The following NXPE4 variants were observed in gnomAD, a reference collection of about 807,000 sequenced individuals.
NXPE4 encodes NXPE family member 4.
A neutral mutation model predicts 33.3 loss-of-function variants in NXPE4; 42 were observed. That is an observed-to-expected ratio of 1.26 (90% CI 0.98 to 1.63). NXPE4 has a LOEUF of 1.63. Among genes scored for constraint, NXPE4 ranks in the 40% most tolerant of loss-of-function variants. The pLI is 0.00. For missense variants in NXPE4, 709 were observed against 647.6 expected (o/e 1.09, Z -1.03); for synonymous variants, 253 against 234.9 (o/e 1.08, Z -0.71).
chr11:114,654,709 C>A, the NXPE4 span, among the ~76,000 whole-genome samples: 1 of 152,122 alleles, frequency 6.6e-6, no homozygotes, highest in East Asian at 1.9e-4. Flanking sequence ...TTTTCTTTAT[C>A]CAATCTATCA....
chr11:114,623,177 T>C, the NXPE4 span, among the ~76,000 whole-genome samples: 1 of 151,070 alleles, frequency 6.6e-6, no homozygotes, highest in Admixed American at 6.6e-5. Context: ...TGGATAATAA[T>C]TATTGCCTCT....
At chr11:114,611,193 G>A in the NXPE4 span, among the ~76,000 whole-genome samples, 1,265 of 151,380 alleles carry the variant, frequency 8.4e-3, 18 homozygotes, top group African/African-American at 0.028. Context: ...ACTGCTACCC[G>A]CTGGATAATA....
the NXPE4 span, among the ~76,000 whole-genome samples, chr11:114,620,164 A>G: frequency 6.7e-6 from 1 of 149,262 alleles, no homozygotes; most frequent in East Asian, 2.0e-4. Flanking sequence ...GATGATAAAT[A>G]TTGCCTCATG....
In NXPE4 at chr11:114,570,984, T is replaced by C. The variant is rs1234372651; in HGVS notation, c.1589A>G (p.His530Arg). The stretch of plus-strand genomic sequence containing the variant: ...TATATTAATCTGATTTCCGACTACA[T>C]GTTGAGGTGGGTGTACATTATTTGT... ...YGTNNVHPPQ[H>R]VVGNQINILL... Residue 530 changes from histidine to arginine, a missense_variant, in exon 6 of 6, where the codon CAT becomes CGT. Physicochemically the swap from His to Arg is conservative, Grantham distance 29. Transcript: ENST00000375478. The C allele has an allele frequency of 6.2e-7, 1 of 1,610,958 alleles. No individual in the cohort carries two copies. Among genetic ancestry groups the C allele is most frequent in the Non-Finnish European group, 8.5e-7 (1 of 1,177,518 alleles).
At chr11:114,625,471 G>A in the NXPE4 span, among the ~76,000 whole-genome samples, 1 of 150,178 alleles carries the variant, frequency 6.7e-6, no homozygotes, top group Non-Finnish European at 1.5e-5. Flanking sequence ...ACTGTCACCC[G>A]GTGGATAATA....
At position 114,580,274 on chromosome 11, in the gene NXPE4, A is replaced by T; in HGVS notation, c.957T>A (p.His319Gln). ...FGMTSTIPSG[H>Q]VWRNTWNPVS... ...CAGGATTCCATGTGTTTCTCCAGACATGCCCACTGGGGATTGTGGATGTCA... is the reference window on the plus strand; with the variant it reads ...CAGGATTCCATGTGTTTCTCCAGACTTGCCCACTGGGGATTGTGGATGTCA... The change falls in exon 5 of 6, where the codon CAT (histidine) becomes CAA (glutamine). Residue 319 changes from histidine (H) to glutamine (Q), a missense_variant. By Grantham distance (24) the His-to-Gln change is conservative (BLOSUM62 0). Coordinates refer to ENST00000375478, the MANE Select transcript of NXPE4 (RefSeq NM_001077639.2). 1.9e-6 allele frequency: 3 copies of T among 1,614,072 alleles called. No homozygotes were observed. Among genetic ancestry groups the T allele is most frequent in the Non-Finnish European group, 1.7e-6 (2 of 1,179,936 alleles).
At chr11:114,590,078 G>T (rs1244866615) in intron 2 of NXPE4, among the ~76,000 whole-genome samples, 1 of 152,140 alleles carries the variant, frequency 6.6e-6, no homozygotes, top group Non-Finnish European at 1.5e-5. Context: ...AAAATGGATG[G>T]TGCTGCCTCA....
the NXPE4 span, among the ~76,000 whole-genome samples, chr11:114,619,319 A>C: frequency 1.3e-5 from 2 of 152,242 alleles, no homozygotes; most frequent in East Asian, 3.9e-4. Context: ...TCCCCGCTGG[A>C]TAATAAGTGT....
the NXPE4 span, among the ~76,000 whole-genome samples, chr11:114,657,762 C>T: frequency 2.0e-5 from 3 of 152,032 alleles, no homozygotes; most frequent in Admixed American, 6.6e-5. Flanking sequence ...ATAAGAACCC[C>T]TGATTTAGCA....
At chr11:114,587,913 G>A (rs971280229) in intron 2 of NXPE4, among the ~76,000 whole-genome samples, 1 of 152,030 alleles carries the variant, frequency 6.6e-6, no homozygotes, top group African/African-American at 2.4e-5. Context: ...GAACCATCCT[G>A]GCCTGCAGAG....
upstream of NXPE4, among the ~76,000 whole-genome samples, chr11:114,596,321 G>A (rs908198541): frequency 6.6e-6 from 1 of 152,178 alleles, no homozygotes; most frequent in African/African-American, 2.4e-5. Flanking sequence ...TGAAAACAGT[G>A]CTGGAAAGAG....
At chr11:114,639,940 TATAAC>T in the NXPE4 span, among the ~76,000 whole-genome samples, 1 of 111,226 alleles carries the variant, frequency 9.0e-6, no homozygotes, top group Non-Finnish European at 1.6e-5. Flanking sequence ...TTATATTAAA[TATAAC>T]ATAATAGTTT....
the NXPE4 span, among the ~76,000 whole-genome samples, chr11:114,667,156 A>T: frequency 3.9e-5 from 6 of 152,152 alleles, no homozygotes; most frequent in African/African-American, 1.4e-4. Flanking sequence ...TTACGTGAAG[A>T]TCCAGGTCCT....
At chr11:114,640,263 T>C in the NXPE4 span, among the ~76,000 whole-genome samples, 1 of 143,408 alleles carries the variant, frequency 7.0e-6, no homozygotes, top group South Asian at 2.1e-4. Context: ...AAATATATAG[T>C]ATATAATATA....
chr11:114,612,407 AC>A, the NXPE4 span, among the ~76,000 whole-genome samples: 2 of 151,844 alleles, frequency 1.3e-5, no homozygotes, highest in African/African-American at 4.8e-5. Flanking sequence ...AACCACTGTT[AC>A]CCGGTGGATA....
chr11:114,633,257 A>G, the NXPE4 span, among the ~76,000 whole-genome samples: 1 of 134,974 alleles, frequency 7.4e-6, no homozygotes, highest in Non-Finnish European at 1.5e-5. Context: ...TATAATATAT[A>G]AGAATGTTAT....
the NXPE4 span, among the ~76,000 whole-genome samples, chr11:114,620,804 A>T: frequency 1.3e-5 from 2 of 151,710 alleles, no homozygotes; most frequent in African/African-American, 4.8e-5. Context: ...GTGTTGCCTC[A>T]GGGGAACCAC....
chr11:114,639,569 C>T, the NXPE4 span, among the ~76,000 whole-genome samples: 598 of 150,368 alleles, frequency 4.0e-3, 4 homozygotes, highest in African/African-American at 0.013. Context: ...TCGCTCAGGC[C>T]GGGAGCTGTA....
chr11:114,581,914 C>A, intron 3 of NXPE4, 128 bp from the exon 4 acceptor site: 1 of 679,194 alleles, frequency 1.5e-6, no homozygotes, highest in Non-Finnish European at 2.5e-6. Context: ...CAGTTTCAGG[C>A]CATTTAGTAA....
Sources: gnomAD v4.1 joint callset for allele counts (sites outside exome capture counted in the v4.1 genomes callset) on GRCh38, gnomAD v4.1.1 for gene constraint, MANE v1.5 for transcripts, NCBI Gene and HGNC (gene_info 2026-07-23, HGNC 2026-07-21) for gene names.